SLC44A1: variants seen among roughly 807,000 people sequenced by gnomAD.
SLC44A1 encodes the protein solute carrier family 44 member 1.
SLC44A1 carries 26 observed loss-of-function variants against 79.3 expected under a neutral mutation model. The ratio of observed to expected loss-of-function variants is 0.33; its 90% confidence interval spans 0.24 to 0.46. The LOEUF is 0.46. Ranked by LOEUF, SLC44A1 falls within the 20% of genes least tolerant of loss-of-function variation. SLC44A1 has a pLI of 1.00. For missense variants in SLC44A1, 688 were observed against 798.1 expected (o/e 0.86, Z 1.66); for synonymous variants, 263 against 286.2 (o/e 0.92, Z 0.82).
chr9:105,319,942 AG>A (rs1826333125), intron 3 of SLC44A1, among the ~76,000 whole-genome samples: 1 of 152,232 alleles, frequency 6.6e-6, no homozygotes, highest in Non-Finnish European at 1.5e-5. Flanking sequence ...AACTATATGC[AG>A]TCATGCATCC....
Position 105,366,335 on chromosome 9 carries a change from C to A in SLC44A1, c.1411-11C>A. The stretch of plus-strand genomic sequence containing the variant: ...TGGTTTTTTTATTATTTCCATTTTT[C>A]CCCCATCCAGGAAAATGCTTGTGCA... On this transcript the variant is annotated splice_polypyrimidine_tract_variant and intron_variant, in intron 11 of 15. Transcript: ENST00000374720. 1.4e-6 allele frequency: 2 copies of A among 1,432,622 alleles called. No homozygotes were observed. Among genetic ancestry groups the A allele is most frequent in the Non-Finnish European group, 1.9e-6 (2 of 1,078,480 alleles). 88.7% of individuals were successfully genotyped at this position (1,432,622 alleles called of 1,614,324 possible).
chr9:105,258,305 C>G (rs546939093), intron 1 of SLC44A1, among the ~76,000 whole-genome samples: 22 of 152,114 alleles, frequency 1.4e-4, no homozygotes, highest in African/African-American at 4.6e-4. Flanking sequence ...AATTGAAGAC[C>G]CAGAACTGGA....
At position 105,351,546 on chromosome 9, in the gene SLC44A1, A is replaced by G. The variant is rs1047727209; in HGVS notation, c.500+3095A>G. Among the ~76,000 whole-genome samples, 185 of 126,986 alleles carry G rather than the reference A, an allele frequency of 1.5e-3. 11 individuals are homozygous for G. Among genetic ancestry groups the G allele is most frequent in the Middle Eastern group, 8.0e-3 (2 of 250 alleles). The allele number at this position is 126,986 out of a possible 152,430, so 83.3% of individuals were successfully genotyped here. A position where few individuals can be genotyped will look rare whatever the true frequency, so the allele number is the denominator to read the frequency against. On this transcript the variant is annotated intron_variant, in intron 5 of 15. Transcript: ENST00000374720. ...AGACCCTGTCTGAAAGAAAGAAAGA[A>G]AGAAAGAAAGAGAGAAAGAGAGAAA...
intron 4 of SLC44A1, among the ~76,000 whole-genome samples, chr9:105,337,314 T>G (rs1236672796): frequency 6.6e-6 from 1 of 152,182 alleles, no homozygotes; most frequent in Non-Finnish European, 1.5e-5. Context: ...TGACTTCTCC[T>G]TGCCTCAGTT....
At chr9:105,388,847 A>G (rs1280195452) in intron 15 of SLC44A1, among the ~76,000 whole-genome samples, 186 bp from the exon 16 acceptor site, 2 of 152,188 alleles carry the variant, frequency 1.3e-5, no homozygotes, top group African/African-American at 4.8e-5. Context: ...CTCAGAGATG[A>G]TCCTGGATAA....
At chr9:105,297,942 A>T (rs563633364) in intron 1 of SLC44A1, among the ~76,000 whole-genome samples, 1 of 152,156 alleles carries the variant, frequency 6.6e-6, no homozygotes, top group African/African-American at 2.4e-5. Context: ...CCTTTCCCAT[A>T]GGTTTTCCAA....
At chr9:105,332,198 C>T (rs1369472725) in intron 3 of SLC44A1, among the ~76,000 whole-genome samples, 1 of 149,774 alleles carries the variant, frequency 6.7e-6, no homozygotes, top group Non-Finnish European at 1.5e-5. Flanking sequence ...CGGCTCACTG[C>T]AATCTCCGCC....
intron 13 of SLC44A1, among the ~76,000 whole-genome samples, chr9:105,382,215 G>A (rs1828488606): frequency 1.3e-5 from 2 of 152,146 alleles, no homozygotes; most frequent in Admixed American, 6.5e-5. Context: ...ATCTGTAAGT[G>A]TGTTTCCAAG....
intron 1 of SLC44A1, among the ~76,000 whole-genome samples, chr9:105,292,609 GA>G (rs1396700904): frequency 6.6e-6 from 1 of 152,176 alleles, no homozygotes; most frequent in Non-Finnish European, 1.5e-5. Context: ...TTTAGACACT[GA>G]AAGATCATTT....
At chr9:105,284,196 C>G (rs1830422981) in intron 1 of SLC44A1, among the ~76,000 whole-genome samples, 1 of 151,446 alleles carries the variant, frequency 6.6e-6, no homozygotes, top group African/African-American at 2.4e-5. Context: ...TCTACCTGCC[C>G]TATCCATTTC....
At position 105,366,327 on chromosome 9, in the gene SLC44A1, C is replaced by T. The variant is rs1356969053; in HGVS notation, c.1411-19C>T. 5 of 1,366,870 alleles carry T rather than the reference C, an allele frequency of 3.7e-6. No individual in the cohort carries two copies. In the African/African-American group the frequency reaches 7.5e-5, roughly 21 times the overall value. The allele number at this position is 1,366,870 out of a possible 1,614,324, so 84.7% of individuals were successfully genotyped here. A position where few individuals can be genotyped will look rare whatever the true frequency, so the allele number is the denominator to read the frequency against. On this transcript the variant is annotated intron_variant, in intron 11 of 15. Coordinates refer to ENST00000374720, the MANE Select transcript of SLC44A1 (RefSeq NM_080546.5). ...TGATTCTTTGGTTTTTTTATTATTT[C>T]CATTTTTCCCCCATCCAGGAAAATG...
chr9:105,307,176 AG>A (rs1321967363), intron 2 of SLC44A1, among the ~76,000 whole-genome samples: 1 of 152,166 alleles, frequency 6.6e-6, no homozygotes, highest in Admixed American at 6.5e-5. Context: ...TCTCATCATT[AG>A]GCTGTGAAAT....
At chr9:105,277,685 G>T (rs1473290683) in intron 1 of SLC44A1, among the ~76,000 whole-genome samples, 2 of 152,180 alleles carry the variant, frequency 1.3e-5, no homozygotes, top group Non-Finnish European at 2.9e-5. Flanking sequence ...ATGGGAGTTG[G>T]GACGGACCAA....
At chr9:105,288,428 A>G (rs1432929378) in intron 1 of SLC44A1, among the ~76,000 whole-genome samples, 1 of 152,154 alleles carries the variant, frequency 6.6e-6, no homozygotes, top group East Asian at 1.9e-4. Context: ...GGCCCACTGC[A>G]GCCTCCATTG....
intron 15 of SLC44A1, among the ~76,000 whole-genome samples, chr9:105,413,130 G>T (rs762407711): frequency 6.6e-6 from 1 of 152,146 alleles, no homozygotes; most frequent in Admixed American, 6.5e-5. Flanking sequence ...GTTGGAAAAA[G>T]AGACTTCTGT....
intron 1 of SLC44A1, among the ~76,000 whole-genome samples, chr9:105,265,631 A>G (rs1829944388): frequency 6.6e-6 from 1 of 152,190 alleles, no homozygotes; most frequent in African/African-American, 2.4e-5. Context: ...TTTGGTAACT[A>G]TCTGGGAGTG....
chr9:105,397,831 C>T (rs1828904939), downstream of SLC44A1, among the ~76,000 whole-genome samples: 1 of 152,070 alleles, frequency 6.6e-6, no homozygotes, highest in Admixed American at 6.5e-5. Flanking sequence ...GCCTGTAGTC[C>T]CAGCTACTCG....
rs565900550 is a variant in SLC44A1 at position 105,288,957 on chromosome 9, C to T, written c.37-10263C>T. Among the ~76,000 whole-genome samples, 7 of 152,226 alleles carry T rather than the reference C, an allele frequency of 4.6e-5. No individual in the cohort carries two copies. In the South Asian group the frequency reaches 6.2e-4, roughly 14 times the overall value. ...CTTGAAAGACTGGACTTCGTTAACC[C>T]GCATTTCCAAAACTTATTTAAAATG... On this transcript the variant is annotated intron_variant, in intron 1 of 15. Coordinates refer to ENST00000374720, the MANE Select transcript of SLC44A1 (RefSeq NM_080546.5).
intron 1 of SLC44A1, among the ~76,000 whole-genome samples, chr9:105,257,437 C>T (rs1829738029): frequency 6.6e-6 from 1 of 151,976 alleles, no homozygotes; most frequent in South Asian, 2.1e-4. Flanking sequence ...CCCTATGTTG[C>T]CCAGGCTGGC....
Sources: allele counts gnomAD v4.1 joint callset (sites outside exome capture counted in the v4.1 genomes callset), GRCh38; gene constraint gnomAD v4.1.1; transcripts MANE v1.5; gene names NCBI Gene and HGNC (gene_info 2026-07-23, HGNC 2026-07-21).